Variants in MYH7B observed in about 807,000 individuals in gnomAD.
MYH7B encodes myosin-7B.
MYH7B carries 205 observed loss-of-function variants against 234.5 expected under a neutral mutation model. The observed-to-expected ratio is 0.87, with a 90% CI of 0.78 to 0.98. The LOEUF is 0.98. MYH7B is among the 50% of genes least tolerant of loss of function. The pLI is 0.00. For missense variants in MYH7B, 2,652 were observed against 2,633.4 expected, an observed-to-expected ratio of 1.01 and a Z score of -0.15; for synonymous variants, 1,193 against 1,105.0, an observed-to-expected ratio of 1.08 and a Z score of -1.58.
intron 2 of MYH7B, among the ~76,000 whole-genome samples, chr20:34,968,911 T>G (rs1182910283): frequency 6.6e-6 from 1 of 151,944 alleles, no homozygotes; most frequent in Non-Finnish European, 1.5e-5. Context: ...CTTCTTGGGG[T>G]TGAGTGGTTC....
At chr20:34,973,529 T>A (rs2081812345) in intron 2 of MYH7B, among the ~76,000 whole-genome samples, 1 of 152,218 alleles carries the variant, frequency 6.6e-6, no homozygotes, top group African/African-American at 2.4e-5. Flanking sequence ...TCAAAGGTCA[T>A]CCAGTTCAGA....
intron 18 of MYH7B, 55 bp downstream of exon 18, chr20:34,987,969 C>T: frequency 6.4e-7 from 1 of 1,558,364 alleles, no homozygotes; most frequent in Non-Finnish European, 8.7e-7. Flanking sequence ...AGGACATGGG[C>T]CTGTGGGGGG....
chr20:34,987,699 C>T, intron 17 of MYH7B, 24 bp downstream of exon 17: 1 of 1,612,128 alleles, frequency 6.2e-7, no homozygotes, highest in African/African-American at 1.3e-5. Flanking sequence ...AGGCCAAACC[C>T]ATGGGGGACA....
In MYH7B at chr20:34,997,298, C is replaced by T; in HGVS notation, c.3405C>T (p.Ala1135=). 3 of 1,554,530 alleles carry T rather than the reference C, an allele frequency of 1.9e-6. No homozygotes were observed. The Middle Eastern group carries it at 6.7e-4, about 349-fold the overall frequency. Residue 1135 remains alanine (A), a synonymous_variant, in exon 32 of 45, where the codon GCC becomes GCT. Coordinates refer to ENST00000262873, the Ensembl canonical transcript of MYH7B. ...AGGAGCTGGAGGCAGAGCGGGCAGC[C>T]CGGGCCCGCGTGGAGAAGCAGCGTG...
chr20:34,962,654 C>T (rs973028035), intron 2 of MYH7B, among the ~76,000 whole-genome samples: 9 of 151,858 alleles, frequency 5.9e-5, no homozygotes, highest in African/African-American at 2.2e-4. Context: ...TATTTTGAGA[C>T]AAGGTCTCAC....
chr20:34,997,475 C>G lies in MYH7B; in HGVS notation c.3582C>G (p.Ala1194=), dbSNP rs112086528. 45 of 1,532,634 alleles carry G rather than the reference C, an allele frequency of 2.9e-5. No individual in the cohort carries two copies. In the African/African-American group the frequency reaches 5.2e-4, roughly 18 times the overall value. 94.9% of individuals were successfully genotyped at this position (1,532,634 alleles called of 1,614,324 possible). ...AGGAGGCGGCGCTGCGGCACGAGGC[C>G]ACAGTGGCGGCACTGCGGCGCAAGC... is the stretch of plus-strand genomic sequence containing the variant. The change falls in exon 32 of 45, where the codon GCC becomes GCG. Residue 1194 remains alanine (A), a synonymous_variant. Coordinates refer to ENST00000262873, the Ensembl canonical transcript of MYH7B.
At chr20:34,985,248 C>G (rs778182233) in intron 13 of MYH7B, 119 bp downstream of exon 13, 15 of 933,846 alleles carry the variant, frequency 1.6e-5, no homozygotes, top group East Asian at 7.6e-5. Context: ...CTCTCTACCC[C>G]CTGGCTGCTG....
At chr20:34,975,538 A>G in intron 3 of MYH7B, 39 bp downstream of exon 3, 1 of 712,262 alleles carries the variant, frequency 1.4e-6, no homozygotes, top group South Asian at 1.5e-5. Context: ...CTTTGAGAAA[A>G]TTCATCAAAC....
At chr20:34,993,282 G>T (rs905695358) in intron 25 of MYH7B, 52 bp from the exon 26 acceptor site, 1 of 1,613,886 alleles carries the variant, frequency 6.2e-7, no homozygotes, top group Non-Finnish European at 8.5e-7. Flanking sequence ...ACTGGGCAGG[G>T]TTCATGCGGA....
chr20:34,989,596 G>A, intron 19 of MYH7B, 144 bp from the exon 20 acceptor site: 2 of 774,380 alleles, frequency 2.6e-6, no homozygotes, highest in East Asian at 2.7e-5. Flanking sequence ...TGGAGTGGGT[G>A]TGGTGTCTGA....
intron 10 of MYH7B, among the ~76,000 whole-genome samples, chr20:34,983,279 CTTTCTTTTCT>C (rs143748355): frequency 0.01 from 1,285 of 125,658 alleles, 9 homozygotes; most frequent in Middle Eastern, 0.016. Context: ...TTTCTTTTTT[CTTTCTTTTCT>C]TTTCTTTTCT....
At chr20:34,986,975 C>T (rs1054560042) in exon 15 of MYH7B, 6 of 1,613,738 alleles carry the variant, frequency 3.7e-6, no homozygotes, top group Non-Finnish European at 5.1e-6. Context: ...TGGGGAGGAG[C>T]TCATCGCCAC....
At chr20:34,998,655 G>A (rs779311844) in intron 34 of MYH7B, 26 bp downstream of exon 34, 37 of 1,612,602 alleles carry the variant, frequency 2.3e-5, no homozygotes, top group Non-Finnish European at 3.0e-5. Flanking sequence ...TGACCATGGA[G>A]TGGGCAGGTG....
At chr20:34,989,683 A>G (rs1251046609) in intron 19 of MYH7B, 57 bp from the exon 20 acceptor site, 2 of 1,534,346 alleles carry the variant, frequency 1.3e-6, no homozygotes, top group East Asian at 4.6e-5. Flanking sequence ...CCAGGGGTTC[A>G]GTCCTTCCAG....
intron 13 of MYH7B, 35 bp downstream of exon 13, chr20:34,985,164 G>A: frequency 6.2e-7 from 1 of 1,606,158 alleles, no homozygotes; most frequent in African/African-American, 1.3e-5. Context: ...GCAGGGGAAG[G>A]AGGCCTGAGC....
chr20:34,963,656 T>G (rs1464399713), intron 2 of MYH7B, among the ~76,000 whole-genome samples: 1 of 152,250 alleles, frequency 6.6e-6, no homozygotes, highest in African/African-American at 2.4e-5. Context: ...CATTGCCTAA[T>G]TCGAAGGTCA....
At chr20:34,985,955 A>C (rs965966883) in intron 13 of MYH7B, 145 bp from the exon 14 acceptor site, 1 of 686,326 alleles carries the variant, frequency 1.5e-6, no homozygotes, top group African/African-American at 1.8e-5. Flanking sequence ...GGCACAGGGG[A>C]GATACCCTCC....
At chr20:34,963,567 A>C (rs1210547334) in intron 2 of MYH7B, among the ~76,000 whole-genome samples, 2 of 152,192 alleles carry the variant, frequency 1.3e-5, no homozygotes, top group Admixed American at 6.5e-5. Flanking sequence ...CTTTTGAAGC[A>C]CATATTTTAA....
chr20:34,969,116 A>G (rs986482132), intron 2 of MYH7B, among the ~76,000 whole-genome samples: 1 of 151,986 alleles, frequency 6.6e-6, no homozygotes, highest in East Asian at 1.9e-4. Context: ...TTGCATAGAC[A>G]CATCTTGTCC....
Sources: gnomAD v4.1 joint callset for allele counts (sites outside exome capture counted in the v4.1 genomes callset) on GRCh38, gnomAD v4.1.1 for gene constraint, MANE v1.5 for transcripts, NCBI Gene and HGNC (gene_info 2026-07-23, HGNC 2026-07-21) for gene names.